Variants in PXK observed in about 807,000 individuals in gnomAD.
The protein encoded by PXK is PX domain-containing protein kinase-like protein.
PXK carries 35 observed loss-of-function variants against 84.7 expected under a neutral mutation model. The ratio of observed to expected loss-of-function variants is 0.41; its 90% CI spans 0.32 to 0.55. The LOEUF (loss-of-function observed/expected upper bound fraction) is 0.55, where lower values mean the gene tolerates loss of function less well. Ranked by LOEUF, PXK falls within the 20% of genes least tolerant of loss-of-function variation. The pLI, the probability that PXK is intolerant of heterozygous loss-of-function variation, is 0.21. For synonymous variants in PXK, 253 were observed against 260.8 expected, an observed-to-expected ratio of 0.97 and a Z score of 0.29; for missense variants, 634 against 699.7, an observed-to-expected ratio of 0.91 and a Z score of 1.06.
At chr3:58,406,183 T>G (rs1396328583) in intron 13 of PXK, among the ~76,000 whole-genome samples, 1 of 152,144 alleles carries the variant, frequency 6.6e-6, no homozygotes, top group Non-Finnish European at 1.5e-5. Flanking sequence ...GTCAGGCTGG[T>G]CTCGACCTCA....
chr3:58,396,934 C>G, intron 9 of PXK, 105 bp from the exon 10 acceptor site: 2 of 1,200,504 alleles, frequency 1.7e-6, no homozygotes, highest in Non-Finnish European at 2.3e-6. Context: ...TCTCAGTGAC[C>G]TGTTTGGTTT....
intron 1 of PXK, among the ~76,000 whole-genome samples, chr3:58,337,062 G>C (rs145175679): frequency 1.3e-5 from 2 of 151,808 alleles, no homozygotes; most frequent in African/African-American, 4.8e-5. Flanking sequence ...CACCTGCCTC[G>C]GGCTCCTAAG....
At position 58,397,581 on chromosome 3, in the gene PXK, A is replaced by G. The variant is rs764498459; in HGVS notation, c.985-24A>G. On this transcript the variant is annotated intron_variant, in intron 10 of 17. Coordinates refer to ENST00000356151, the MANE Select transcript of PXK (RefSeq NM_017771.5). This position sits in a 1 kb window ranked among gnomAD's most constrained non-coding sequence, Gnocchi z 4.7. The stretch of plus-strand genomic sequence containing the variant: ...CACAAAGCCAAAGTGAAGGGTGAAC[A>G]CGCTGCTACTCTTTCTTCCACAGAC... The G allele has an allele frequency of 5.7e-6, 9 of 1,585,774 alleles. No homozygotes were observed. Among genetic ancestry groups the G allele is most frequent in the Non-Finnish European group, 7.8e-6 (9 of 1,154,322 alleles).
chr3:58,387,374 T>A (rs2098561467), intron 4 of PXK, among the ~76,000 whole-genome samples: 1 of 152,200 alleles, frequency 6.6e-6, no homozygotes, highest in Non-Finnish European at 1.5e-5. Flanking sequence ...TCATCAGATA[T>A]TTATTGAGCA....
intron 3 of PXK, among the ~76,000 whole-genome samples, chr3:58,371,906 T>C (rs1347077865): frequency 2.6e-5 from 4 of 152,190 alleles, no homozygotes; most frequent in African/African-American, 9.7e-5. Flanking sequence ...TGAAATAATT[T>C]AAAACAATAT....
chr3:58,412,869 C>G lies in PXK; in HGVS notation c.1466-32C>G. On this transcript the variant is annotated intron_variant, in intron 16 of 17. Coordinates refer to ENST00000356151, the MANE Select transcript of PXK (RefSeq NM_017771.5). The surrounding 1 kb of genome is among the most constrained non-coding windows in gnomAD (Gnocchi z 6.2). ...CAAATTCCAAATGTCTTTCGTTGGT[C>G]CCCATGAGGGTTTCTCTGTGTTTTA... 4 of 1,611,744 alleles carry G rather than the reference C, an allele frequency of 2.5e-6. No homozygotes were observed. The highest frequency in any genetic ancestry group is 3.4e-6 in the Non-Finnish European group (4 of 1,177,860).
rs775305458 is a variant in PXK at position 58,399,277 on chromosome 3, A to G, written c.1103-22A>G. 1.2e-6 allele frequency: 2 copies of G among 1,609,990 alleles called. No individual in the cohort carries two copies. Among genetic ancestry groups the G allele is most frequent in the South Asian group, 2.2e-5 (2 of 90,986 alleles). ...TGCCAGCGTGTTCTGTGGAACTAAA[A>G]TGTGTATCTGTTCATTTCAAGTGGC... On this transcript the variant is annotated intron_variant, in intron 11 of 17. Coordinates refer to ENST00000356151, the MANE Select transcript of PXK (RefSeq NM_017771.5). This position sits in a 1 kb window ranked among gnomAD's most constrained non-coding sequence, Gnocchi z 4.3.
intron 17 of PXK, chr3:58,413,286 A>C: frequency 2.9e-6 from 1 of 350,272 alleles, no homozygotes; most frequent in Non-Finnish European, 5.3e-6. Flanking sequence ...GAACAACACA[A>C]ATGCGCCGTG....
chr3:58,397,000 A>G, intron 9 of PXK, 39 bp from the exon 10 acceptor site: 1 of 1,579,694 alleles, frequency 6.3e-7, no homozygotes, highest in South Asian at 1.1e-5. Flanking sequence ...TATCTGAATG[A>G]GTTTGGGGAA....
chr3:58,340,961 A>G (rs1043072154), intron 1 of PXK, among the ~76,000 whole-genome samples: 27 of 140,682 alleles, frequency 1.9e-4, no homozygotes, highest in African/African-American at 7.5e-4. Context: ...AGGGGGAGTA[A>G]TAGAGTTTTT....
intron 3 of PXK, among the ~76,000 whole-genome samples, chr3:58,381,277 G>C (rs1484597226): frequency 1.3e-5 from 2 of 149,866 alleles, no homozygotes; most frequent in East Asian, 3.9e-4. Flanking sequence ...AGCCAACAGA[G>C]GTTACACTCT....
rs1212172881 is a variant in PXK, at chr3:58,412,799, A to G, written c.1466-102A>G. 3 of 1,199,404 alleles carry G rather than the reference A, an allele frequency of 2.5e-6. No individual in the cohort carries two copies. Among genetic ancestry groups the G allele is most frequent in the East Asian group, 2.3e-5 (1 of 42,884 alleles). 74.3% of individuals were successfully genotyped at this position (1,199,404 alleles called of 1,614,324 possible). On this transcript the variant is annotated intron_variant, in intron 16 of 17. Transcript: ENST00000356151. The surrounding 1 kb of genome is among the most constrained non-coding windows in gnomAD (Gnocchi z 6.2). ...TCTTGTTTCACAAGGCTCACACACT[A>G]AGCCAAATGTAGATTCTCAGACAGC...
chr3:58,339,688 G>C (rs886136638), intron 1 of PXK, among the ~76,000 whole-genome samples: 1 of 152,144 alleles, frequency 6.6e-6, no homozygotes, highest in Non-Finnish European at 1.5e-5. Context: ...TAAGATTCTG[G>C]GGCTGAGGTT....
chr3:58,396,181 A>C (rs2107115031), intron 9 of PXK, among the ~76,000 whole-genome samples: 1 of 152,300 alleles, frequency 6.6e-6, no homozygotes, highest in Admixed American at 6.5e-5. Flanking sequence ...GGGATTATGC[A>C]ACCTTATCAG....
In PXK at chr3:58,388,003, C is replaced by T. The variant is rs560854240; in HGVS notation, c.389-2579C>T. ...TAAAGCCAGAGGTTGGTTGAACACT[C>T]GGTTTATGTTTGGTCTTGATTTGGG... On this transcript the variant is annotated intron_variant, in intron 4 of 17. Transcript: ENST00000356151. 6.4e-4 allele frequency among the ~76,000 whole-genome samples: 97 copies of T among 152,188 alleles called. 1 individual carries two copies. In the South Asian group the frequency reaches 0.02, roughly 31 times the overall value.
chr3:58,336,060 TA>T (rs2097590064), intron 1 of PXK, among the ~76,000 whole-genome samples: 18 of 57,060 alleles, frequency 3.2e-4, no homozygotes, highest in Non-Finnish European at 4.8e-4. Flanking sequence ...TATATATATA[TA>T]TATATATATA....
At chr3:58,391,970 C>T (rs1340304124) in intron 7 of PXK, 123 bp downstream of exon 7, 2 of 868,094 alleles carry the variant, frequency 2.3e-6, no homozygotes, top group Non-Finnish European at 3.7e-6. Context: ...TCAGGTCAGA[C>T]TGAAATTGTG....
chr3:58,391,042 G>A lies in PXK; in HGVS notation c.467-105G>A, dbSNP rs200865555. 4.6e-5 allele frequency: 37 copies of A among 804,702 alleles called. No homozygotes were observed. The East Asian group carries it at 4.8e-4, about 10-fold the overall frequency. 49.8% of individuals were successfully genotyped at this position (804,702 alleles called of 1,614,324 possible). A position where few individuals can be genotyped will look rare whatever the true frequency, so the allele number is the denominator to read the frequency against. ...CTTTTACTTGTGCCTATGTAGCTGC[G>A]AATAATATTGCCAAACTTAATTTTT... On this transcript the variant is annotated intron_variant, in intron 5 of 17. Transcript: ENST00000356151.
intron 3 of PXK, among the ~76,000 whole-genome samples, chr3:58,378,511 TTTGTGTGTG>T (rs2098466032): frequency 2.5e-5 from 1 of 39,524 alleles, no homozygotes; most frequent in Non-Finnish European, 6.6e-5. Flanking sequence ...TTTTTTTTTT[TTTGTGTGTG>T]TGTGTGTGTG....
Sources: gnomAD v4.1 joint callset for allele counts (sites outside exome capture counted in the v4.1 genomes callset) on GRCh38, gnomAD v4.1.1 for gene constraint, Gnocchi (gnomAD v3.1) non-coding constraint, MANE v1.5 for transcripts, NCBI Gene and HGNC (gene_info 2026-07-23, HGNC 2026-07-21) for gene names.